The following TEAD1 variants were observed in gnomAD, a reference collection of about 807,000 sequenced individuals.
The protein encoded by TEAD1 is TEA domain transcription factor 1.
Under a neutral mutation model 54.9 loss-of-function variants are expected in TEAD1, and 9 were observed. The observed-to-expected ratio is 0.16, with a 90% CI of 0.10 to 0.29. The LOEUF is 0.29. Ranked by LOEUF, TEAD1 falls within the 10% of genes least tolerant of loss-of-function variation. TEAD1 has a pLI of 1.00. For synonymous variants in TEAD1, 200 were observed against 187.8 expected, an observed-to-expected ratio of 1.07 and a Z score of -0.53; for missense variants, 387 against 535.9, an observed-to-expected ratio of 0.72 and a Z score of 2.74.
chr11:12,754,837 T>G (rs1228158486), intron 2 of TEAD1, among the ~76,000 whole-genome samples: 1 of 152,186 alleles, frequency 6.6e-6, no homozygotes, highest in Non-Finnish European at 1.5e-5. Flanking sequence ...TCCCTATTGC[T>G]TCTCTCCCCA....
intron 1 of TEAD1, 75 bp downstream of exon 1, chr11:12,674,909 C>T (rs1407379341): frequency 2.0e-5 from 3 of 149,976 alleles, no homozygotes; most frequent in Non-Finnish European, 3.0e-5. Flanking sequence ...GCGCGTCCCT[C>T]GCGGGCCGCT....
chr11:12,711,621 G>A (rs1404706006), intron 2 of TEAD1, among the ~76,000 whole-genome samples: 1 of 152,216 alleles, frequency 6.6e-6, no homozygotes, highest in African/African-American at 2.4e-5. Context: ...TGGGAATGCA[G>A]TGAGATGCAG....
chr11:12,864,955 T>C, intron 5 of TEAD1, 55 bp downstream of exon 5: 1 of 1,589,962 alleles, frequency 6.3e-7, no homozygotes, highest in Non-Finnish European at 8.6e-7. Flanking sequence ...ACTTCCTGTT[T>C]TCCATGGTGA....
chr11:12,831,581 C>T (rs977180967), intron 3 of TEAD1, among the ~76,000 whole-genome samples: 2 of 151,828 alleles, frequency 1.3e-5, no homozygotes, highest in Admixed American at 6.6e-5. Flanking sequence ...GGAAAATATT[C>T]CACCTGGCTG....
chr11:12,828,792 A>C (rs1319196148), intron 3 of TEAD1, among the ~76,000 whole-genome samples: 2 of 120,476 alleles, frequency 1.7e-5, no homozygotes, highest in Non-Finnish European at 3.4e-5. Flanking sequence ...ATTGATTTGC[A>C]TTTTTTTTTT....
intron 3 of TEAD1, among the ~76,000 whole-genome samples, chr11:12,842,405 T>G (rs564116416): frequency 3.9e-5 from 6 of 152,334 alleles, no homozygotes; most frequent in African/African-American, 1.4e-4. Context: ...TTGGCAGTTG[T>G]GCACTAAGCT....
At chr11:12,824,543 C>T (rs1035022097) in intron 3 of TEAD1, among the ~76,000 whole-genome samples, 3 of 152,158 alleles carry the variant, frequency 2.0e-5, no homozygotes, top group East Asian at 1.9e-4. Flanking sequence ...TGTTTCCATC[C>T]GGGAACCAAG....
chr11:12,869,211 A>G (rs1799949685), intron 5 of TEAD1, among the ~76,000 whole-genome samples: 5 of 152,160 alleles, frequency 3.3e-5, no homozygotes, highest in Admixed American at 6.5e-5. Context: ...CTCGCCAGCC[A>G]GGTTTTGCAG....
At position 12,881,920 on chromosome 11, in the gene TEAD1, C is replaced by G; in HGVS notation, c.537C>G (p.Ala179=). ...GCGTCAAGCCTTTTGTGCAGCAGGC[C>G]TACCCCATCCAGCCAGCGGTCACAG... The change falls in exon 8 of 13, where the codon GCC becomes GCG. Residue 179 remains alanine, a synonymous_variant. Transcript: ENST00000527636. The G allele has an allele frequency of 4.3e-6, 7 of 1,614,222 alleles. No individual in the cohort carries two copies. The highest frequency in any genetic ancestry group is 5.9e-6 in the Non-Finnish European group (7 of 1,180,038).
In TEAD1 at chr11:12,764,349, C is replaced by T. The variant is rs1208773012; in HGVS notation, c.117C>T (p.Ile39=). The T allele has an allele frequency of 1.1e-5, 18 of 1,614,016 alleles. No individual in the cohort carries two copies. The highest frequency in any genetic ancestry group is 4.5e-5 in the East Asian group (2 of 44,882). The change falls in exon 3 of 13, where the codon ATC becomes ATT. Residue 39 remains isoleucine, a synonymous_variant. Coordinates refer to ENST00000527636, the MANE Select transcript of TEAD1 (RefSeq NM_021961.6). ...CAGAAGGGGTCTGGAGCCCCGACAT[C>T]GAGCAAAGCTTTCAGGAGGCCCTGG...
Position 12,926,263 on chromosome 11 carries a change from C to G in TEAD1, c.1014+1211C>G, listed in dbSNP as rs140954563. Among the ~76,000 whole-genome samples, 4 of 152,254 alleles carry G rather than the reference C, an allele frequency of 2.6e-5. No individual in the cohort carries two copies. The East Asian group carries it at 7.7e-4, about 29-fold the overall frequency. On this transcript the variant is annotated intron_variant, in intron 11 of 12. Transcript: ENST00000527636. ...ATGAGGATTTGGGATGCTGCAGGCC[C>G]TCGTAGCACAAGCCCCCTGAGCAAT...
intron 9 of TEAD1, among the ~76,000 whole-genome samples, chr11:12,885,137 A>G (rs1948060401): frequency 6.6e-6 from 1 of 152,190 alleles, no homozygotes; most frequent in African/African-American, 2.4e-5. Context: ...ACTTAAGATT[A>G]AACAGAAGGA....
chr11:12,689,933 C>T (rs564232348), intron 2 of TEAD1, among the ~76,000 whole-genome samples: 120 of 152,018 alleles, frequency 7.9e-4, no homozygotes, highest in Non-Finnish European at 1.4e-3. Context: ...GTGATCACAC[C>T]AGCACTGTAA....
intron 10 of TEAD1, among the ~76,000 whole-genome samples, chr11:12,907,337 AT>A (rs1948537880): frequency 6.6e-6 from 1 of 152,224 alleles, no homozygotes; most frequent in Non-Finnish European, 1.5e-5. Flanking sequence ...GGAATCCAGA[AT>A]TTAGTTGTGA....
intron 2 of TEAD1, among the ~76,000 whole-genome samples, chr11:12,749,308 A>G (rs978407314): frequency 6.6e-6 from 1 of 152,190 alleles, no homozygotes; most frequent in African/African-American, 2.4e-5. Context: ...TTACATTTTA[A>G]TTAATCTAAG....
chr11:12,919,384 C>A (rs965458073), intron 10 of TEAD1, among the ~76,000 whole-genome samples: 1 of 152,178 alleles, frequency 6.6e-6, no homozygotes, highest in Non-Finnish European at 1.5e-5. Flanking sequence ...CAAACAATGG[C>A]AAAACCATCT....
intron 12 of TEAD1, among the ~76,000 whole-genome samples, chr11:12,936,157 G>T (rs1251585221): frequency 6.6e-6 from 1 of 152,180 alleles, no homozygotes; most frequent in Non-Finnish European, 1.5e-5. Flanking sequence ...TGCTTGATTA[G>T]ATTTGCTCTT....
intron 10 of TEAD1, among the ~76,000 whole-genome samples, chr11:12,906,487 G>A (rs1388232327): frequency 1.3e-5 from 2 of 150,586 alleles, no homozygotes; most frequent in Non-Finnish European, 2.9e-5. Context: ...GTTGCAGTGA[G>A]CCAAAGATCA....
rs554106251 is a variant in TEAD1 at position 12,860,097 on chromosome 11, A to G, written c.203-2153A>G. Among the ~76,000 whole-genome samples, 197 of 152,280 alleles carry G rather than the reference A, an allele frequency of 1.3e-3. 2 individuals carry two copies. Among genetic ancestry groups the G allele is most frequent in the Admixed American group, 0.013 (195 of 15,284 alleles). On this transcript the variant is annotated intron_variant, in intron 3 of 12. Coordinates refer to ENST00000527636, the MANE Select transcript of TEAD1 (RefSeq NM_021961.6). ...AGTGTTCCAAAGCTTGTCAGATAAC[A>G]AAGTAACACAGGAGGTTTAGCTTGT...
Sources: allele counts gnomAD v4.1 joint callset (sites outside exome capture counted in the v4.1 genomes callset), GRCh38; gene constraint gnomAD v4.1.1; transcripts MANE v1.5; gene names NCBI Gene and HGNC (gene_info 2026-07-23, HGNC 2026-07-21).